NALCN: variants seen among roughly 807,000 people sequenced by gnomAD.
NALCN encodes sodium leak channel, non-selective, also known as sodium leak channel NALCN.
Under a neutral mutation model 225.3 loss-of-function variants are expected in NALCN, and 111 were observed. The observed-to-expected ratio is 0.49, with a 90% confidence interval of 0.42 to 0.58. The LOEUF is 0.58. NALCN is among the 20% of genes least tolerant of loss of function. The probability of loss-of-function intolerance (pLI) is 0.00; values close to 1 mark genes in which losing one functional copy is unlikely to be tolerated. For missense variants in NALCN, 1,378 were observed against 2,202.4 expected (o/e 0.63, Z 7.49); for synonymous variants, 764 against 769.0 (o/e 0.99, Z 0.11).
chr13:101,358,668 A>T (rs2046134447), intron 6 of NALCN, among the ~76,000 whole-genome samples: 1 of 152,184 alleles, frequency 6.6e-6, no homozygotes. Context: ...CCAGAAATAA[A>T]ATTTGACACA....
In NALCN at chr13:101,266,700, T is replaced by G. The variant is rs117482476; in HGVS notation, c.1135-8126A>C. Among the ~76,000 whole-genome samples the G allele has an allele frequency of 8.1e-4, 123 of 152,330 alleles. 2 individuals are homozygous for G. The East Asian group carries it at 0.017, about 21-fold the overall frequency. On this transcript the variant is annotated intron_variant, in intron 10 of 43. Transcript: ENST00000251127. ...TTATTTGGAGAACAATGCAATTACA[T>G]GATGAAATTCTCAGAAACCATCTTG...
chr13:101,070,070 T>C (rs2139449393), intron 37 of NALCN, among the ~76,000 whole-genome samples: 1 of 139,182 alleles, frequency 7.2e-6, no homozygotes, highest in Non-Finnish European at 1.6e-5. Context: ...AATGTTTTTT[T>C]TTTTTTTTTT....
intron 1 of NALCN, among the ~76,000 whole-genome samples, chr13:101,403,011 A>G (rs1236647424): frequency 2.0e-5 from 3 of 152,134 alleles, no homozygotes; most frequent in African/African-American, 7.2e-5. Context: ...TAGGTAGGCC[A>G]TGGGCCCTCA....
At chr13:101,401,075 T>C (rs1485716590) in intron 1 of NALCN, among the ~76,000 whole-genome samples, 2 of 152,020 alleles carry the variant, frequency 1.3e-5, no homozygotes, top group African/African-American at 2.4e-5. Flanking sequence ...TATTTCTTTA[T>C]AGAAGTGTGA....
Position 101,237,867 on chromosome 13 carries a change from C to T in NALCN, c.1322G>A (p.Gly441Glu), listed in dbSNP as rs1204995766. ...LEALLKIWCL[G>E]FTGYISSSLH... ...AGATGAGCTAATATATCCAGTAAAT[C>T]CCAAACACCATATCTTCAGAAGTGC... The change falls in exon 12 of 44, where the codon GGA (glycine) becomes GAA (glutamate). Residue 441 changes from glycine (G) to glutamate (E), a missense_variant. Around this residue, in one of 19 missense-constraint regions of NALCN, gnomAD observed 144 missense variants for 187.7 expected, o/e 0.77. Transcript: ENST00000251127. The T allele has an allele frequency of 1.0e-5, 16 of 1,604,126 alleles. No homozygotes were observed. Among genetic ancestry groups the T allele is most frequent in the Non-Finnish European group, 1.4e-5 (16 of 1,175,776 alleles).
chr13:101,244,809 T>C (rs927789579), intron 11 of NALCN, among the ~76,000 whole-genome samples: 10 of 152,214 alleles, frequency 6.6e-5, no homozygotes, highest in Non-Finnish European at 1.2e-4. Context: ...AGGACTATAA[T>C]AGTTCAGAAG....
At chr13:101,294,516 G>A (rs1033614552) in intron 7 of NALCN, among the ~76,000 whole-genome samples, 7 of 142,450 alleles carry the variant, frequency 4.9e-5, no homozygotes, top group African/African-American at 1.3e-4. Context: ...CTTAAATATA[G>A]TTAATGTTTT....
intron 1 of NALCN, among the ~76,000 whole-genome samples, chr13:101,411,644 G>A (rs900268972): frequency 4.6e-5 from 7 of 152,124 alleles, no homozygotes; most frequent in East Asian, 3.9e-4. Flanking sequence ...CACCGCGCCC[G>A]GCCAGCATTA....
intron 6 of NALCN, among the ~76,000 whole-genome samples, chr13:101,359,999 T>A (rs917204482): frequency 6.6e-6 from 1 of 152,124 alleles, no homozygotes; most frequent in East Asian, 1.9e-4. Context: ...GATACAAATA[T>A]AGGACCCAAA....
chr13:101,236,611 T>C (rs989271637), intron 12 of NALCN, among the ~76,000 whole-genome samples: 4 of 151,890 alleles, frequency 2.6e-5, no homozygotes, highest in Non-Finnish European at 5.9e-5. Context: ...ATGTCCTTTG[T>C]AGGGGACGTG....
Position 101,172,856 on chromosome 13 carries a change from C to T in NALCN, c.1839+3444G>A, listed in dbSNP as rs182079687. 9.4e-3 allele frequency among the ~76,000 whole-genome samples: 1,435 copies of T among 152,188 alleles called. 12 individuals are homozygous for T. Among genetic ancestry groups the T allele is most frequent in the Middle Eastern group, 0.024 (7 of 294 alleles). ...TGCTGGGATTACAGGTGTGAGCCAC[C>T]GCGCCTGGCCAACACCCCCATTTTA... On this transcript the variant is annotated intron_variant, in intron 15 of 43. Coordinates refer to ENST00000251127, the MANE Select transcript of NALCN (RefSeq NM_052867.4).
At chr13:101,178,521 C>T (rs1250229545) in intron 14 of NALCN, among the ~76,000 whole-genome samples, 1 of 152,100 alleles carries the variant, frequency 6.6e-6, no homozygotes, top group East Asian at 1.9e-4. Flanking sequence ...GAATGTTTTC[C>T]TTGAGGGCTG....
chr13:101,142,702 G>C (rs981634187), intron 17 of NALCN: 3 of 210,208 alleles, frequency 1.4e-5, no homozygotes, highest in African/African-American at 7.0e-5. Flanking sequence ...ACATGCTCTC[G>C]TATCCTCTCT....
rs769909787 is a variant in NALCN at position 101,104,294 on chromosome 13, C to T, written c.2889+1G>A. The T allele has an allele frequency of 6.3e-7, 1 of 1,591,086 alleles. No individual in the cohort carries two copies. The highest frequency in any genetic ancestry group is 8.5e-7 in the Non-Finnish European group (1 of 1,173,346). On this transcript the variant is annotated splice_donor_variant, in intron 25 of 43. Coordinates refer to ENST00000251127, the MANE Select transcript of NALCN (RefSeq NM_052867.4). LOFTEE classifies it high-confidence loss of function. This position sits in a 1 kb window ranked among gnomAD's most constrained non-coding sequence, Gnocchi z 4.2. ...CATTTAGGCAATAAGCAAAGACTTA[C>T]AAGATATATAAATATGTCCATTACT...
intron 17 of NALCN, among the ~76,000 whole-genome samples, chr13:101,127,693 C>T (rs2036302187): frequency 6.6e-6 from 1 of 152,254 alleles, no homozygotes; most frequent in South Asian, 2.1e-4. Flanking sequence ...AGGACTCACA[C>T]ACACATATAT....
intron 13 of NALCN, among the ~76,000 whole-genome samples, chr13:101,220,754 G>A (rs1159767903): frequency 6.6e-6 from 1 of 152,168 alleles, no homozygotes; most frequent in Non-Finnish European, 1.5e-5. Flanking sequence ...AATAGAGCAA[G>A]TATAGAGGGG....
At position 101,144,768 on chromosome 13, in the gene NALCN, A is replaced by G; in HGVS notation, c.1968T>C (p.Pro656=). The stretch of plus-strand genomic sequence containing the variant: ...AAGAAGTATTTTGGTACCTGATTTT[A>G]GGAACTGTAAAATCTGAAGGAAGCT... ...ISKLPSDFTV[P]KIRESFMKQF... Residue 656 remains proline (P), a synonymous_variant, in exon 16 of 44, where the codon CCT becomes CCC. Coordinates refer to ENST00000251127, the MANE Select transcript of NALCN (RefSeq NM_052867.4). 6.2e-7 allele frequency: 1 copy of G among 1,604,806 alleles called. No homozygotes were observed. Among genetic ancestry groups the G allele is most frequent in the Middle Eastern group, 1.7e-4 (1 of 6,006 alleles).
chr13:101,156,078 T>C (rs979714836), intron 15 of NALCN, among the ~76,000 whole-genome samples: 7 of 152,208 alleles, frequency 4.6e-5, no homozygotes, highest in African/African-American at 1.4e-4. Context: ...ACCCAGTACT[T>C]TCCTTATTCA....
At chr13:101,078,633 A>T (rs904592928) in intron 34 of NALCN, among the ~76,000 whole-genome samples, 3 of 152,190 alleles carry the variant, frequency 2.0e-5, no homozygotes, top group Admixed American at 2.0e-4. Flanking sequence ...CTAGGAAGTA[A>T]CTAACTTGCT....
Sources: gnomAD v4.1 joint callset for allele counts (sites outside exome capture counted in the v4.1 genomes callset) on GRCh38, gnomAD v4.1.1 for gene constraint, gnomAD v4.1.1 regional missense constraint, Gnocchi (gnomAD v3.1) non-coding constraint, MANE v1.5 for transcripts, NCBI Gene and HGNC (gene_info 2026-07-23, HGNC 2026-07-21) for gene names.